Variants in SH3BGRL2 observed in about 807,000 individuals in gnomAD.
The protein encoded by SH3BGRL2 is SH3 domain binding glutamate rich protein like 2, also known as SH3 domain-binding glutamic acid-rich-like protein 2.
A neutral mutation model predicts 14.8 loss-of-function variants in SH3BGRL2; 21 were observed. The observed-to-expected ratio is 1.42, with a 90% CI of 1.01 to 2.05. The LOEUF is 2.05. SH3BGRL2 is among the 30% of genes most tolerant of loss of function. SH3BGRL2 has a pLI of 0.00. For synonymous variants in SH3BGRL2, 50 were observed against 47.8 expected, an observed-to-expected ratio of 1.05 and a Z score of -0.19; for missense variants, 147 against 130.8, an observed-to-expected ratio of 1.12 and a Z score of -0.61.
intron 1 of SH3BGRL2, among the ~76,000 whole-genome samples, chr6:79,671,381 G>A (rs889320256): frequency 1.3e-5 from 2 of 152,120 alleles, no homozygotes; most frequent in East Asian, 1.9e-4. Context: ...CCCGGGAGGC[G>A]GAGGTTGAGG....
intron 2 of SH3BGRL2, among the ~76,000 whole-genome samples, chr6:79,675,583 A>G (rs961098500): frequency 3.3e-5 from 5 of 151,852 alleles, no homozygotes; most frequent in African/African-American, 4.8e-5. Flanking sequence ...TTGAGTGCCT[A>G]TTAATTTGGA....
the SH3BGRL2 span, among the ~76,000 whole-genome samples, chr6:79,540,033 A>T: frequency 6.6e-6 from 1 of 152,188 alleles, no homozygotes; most frequent in African/African-American, 2.4e-5. Context: ...TTATTAATAG[A>T]TTCTAGGTAA....
chr6:79,567,094 A>G, the SH3BGRL2 span, among the ~76,000 whole-genome samples: 1 of 152,100 alleles, frequency 6.6e-6, no homozygotes, highest in African/African-American at 2.4e-5. Flanking sequence ...TTTTAAGCAA[A>G]ATGAAATCTC....
chr6:79,690,207 G>T (rs190414079), intron 2 of SH3BGRL2, among the ~76,000 whole-genome samples: 118 of 152,164 alleles, frequency 7.8e-4, no homozygotes, highest in Middle Eastern at 3.4e-3. Flanking sequence ...GCTCAGGCTT[G>T]TCTCAAACTC....
At chr6:79,564,811 T>A in the SH3BGRL2 span, among the ~76,000 whole-genome samples, 7 of 152,180 alleles carry the variant, frequency 4.6e-5, no homozygotes, top group Admixed American at 1.3e-4. Flanking sequence ...GAAATTATGG[T>A]TTGTGCTGTT....
At chr6:79,659,170 T>C (rs968751197) in intron 1 of SH3BGRL2, among the ~76,000 whole-genome samples, 1 of 152,248 alleles carries the variant, frequency 6.6e-6, no homozygotes, top group Non-Finnish European at 1.5e-5. Flanking sequence ...ATTTTGGCTT[T>C]TGTTGCCATT....
At chr6:79,563,933 T>G in the SH3BGRL2 span, among the ~76,000 whole-genome samples, 5 of 152,182 alleles carry the variant, frequency 3.3e-5, no homozygotes, top group Non-Finnish European at 5.9e-5. Context: ...GCTTTAGGAC[T>G]AGGCAGCTGA....
chr6:79,617,044 G>A, the SH3BGRL2 span, among the ~76,000 whole-genome samples: 1 of 152,012 alleles, frequency 6.6e-6, no homozygotes, highest in South Asian at 2.1e-4. Flanking sequence ...AATTAGCCAG[G>A]TGTGGTGGCG....
At chr6:79,677,799 C>T (rs1419219924) in intron 2 of SH3BGRL2, among the ~76,000 whole-genome samples, 1 of 152,140 alleles carries the variant, frequency 6.6e-6, no homozygotes, top group Non-Finnish European at 1.5e-5. Flanking sequence ...TGTTGATTCC[C>T]TGGAGTGGAA....
At chr6:79,584,297 C>G in the SH3BGRL2 span, among the ~76,000 whole-genome samples, 3 of 152,110 alleles carry the variant, frequency 2.0e-5, no homozygotes, top group South Asian at 6.2e-4. Context: ...ATCTGTTGTT[C>G]AAGGAATGTA....
intron 1 of SH3BGRL2, among the ~76,000 whole-genome samples, chr6:79,637,069 C>T (rs564520389): frequency 1.3e-5 from 2 of 152,196 alleles, no homozygotes; most frequent in Admixed American, 1.3e-4. Context: ...AAGACTGGGC[C>T]ACATTTCTTG....
the SH3BGRL2 span, among the ~76,000 whole-genome samples, chr6:79,615,053 A>G: frequency 6.6e-6 from 1 of 151,844 alleles, no homozygotes; most frequent in Non-Finnish European, 1.5e-5. Flanking sequence ...AGCGACTGAT[A>G]AGGCACTAAG....
At chr6:79,592,091 A>G in the SH3BGRL2 span, among the ~76,000 whole-genome samples, 17 of 152,344 alleles carry the variant, frequency 1.1e-4, no homozygotes, top group African/African-American at 3.6e-4. Context: ...ATGATAAAAG[A>G]TATGAAAACA....
chr6:79,626,392 T>C (rs1768727678), upstream of SH3BGRL2, among the ~76,000 whole-genome samples: 1 of 152,178 alleles, frequency 6.6e-6, no homozygotes. Context: ...CTGCCCTTGC[T>C]CTCTCCCTCT....
chr6:79,619,053 T>C, the SH3BGRL2 span, among the ~76,000 whole-genome samples: 1 of 152,138 alleles, frequency 6.6e-6, no homozygotes, highest in African/African-American at 2.4e-5. Flanking sequence ...TAATAAATTT[T>C]AATTTTTAAC....
the SH3BGRL2 span, among the ~76,000 whole-genome samples, chr6:79,576,340 A>G: frequency 6.6e-6 from 1 of 152,136 alleles, no homozygotes; most frequent in Non-Finnish European, 1.5e-5. Context: ...GAAGTGCTTC[A>G]GTAATCATTT....
At chr6:79,549,161 T>A in the SH3BGRL2 span, among the ~76,000 whole-genome samples, 1 of 152,036 alleles carries the variant, frequency 6.6e-6, no homozygotes, top group East Asian at 1.9e-4. Flanking sequence ...ACATTAAGGA[T>A]GAGGGGCATG....
At chr6:79,685,423 T>G (rs897149797) in intron 2 of SH3BGRL2, among the ~76,000 whole-genome samples, 5 of 152,196 alleles carry the variant, frequency 3.3e-5, no homozygotes, top group Admixed American at 2.6e-4. Flanking sequence ...GCAGCTTCCC[T>G]CATTTCCCCA....
intron 3 of SH3BGRL2, among the ~76,000 whole-genome samples, chr6:79,697,759 G>A (rs1050590416): frequency 2.0e-5 from 3 of 152,130 alleles, no homozygotes; most frequent in Non-Finnish European, 2.9e-5. Flanking sequence ...TTTTTATAAC[G>A]TATTTCATCC....
Sources: gnomAD v4.1 joint callset for allele counts (sites outside exome capture counted in the v4.1 genomes callset) on GRCh38, gnomAD v4.1.1 for gene constraint, MANE v1.5 for transcripts, NCBI Gene and HGNC (gene_info 2026-07-23, HGNC 2026-07-21) for gene names.